Variants in ATP8A2 observed in about 807,000 individuals in gnomAD.
ATP8A2 encodes phospholipid-transporting ATPase IB.
Under a neutral mutation model 165.6 loss-of-function variants are expected in ATP8A2, and 100 were observed. The observed-to-expected ratio is 0.60, with a 90% CI of 0.51 to 0.71. ATP8A2 has a LOEUF of 0.71. Ranked by LOEUF, ATP8A2 falls within the 30% of genes least tolerant of loss-of-function variation. The probability of loss-of-function intolerance (pLI) is 0.00; values close to 1 mark genes in which losing one functional copy is unlikely to be tolerated. For synonymous variants in ATP8A2, 543 were observed against 548.8 expected (o/e 0.99, Z 0.15); for missense variants, 1,227 against 1,479.5 (o/e 0.83, Z 2.80).
In ATP8A2 at chr13:25,372,873, A is replaced by ACG. The variant is rs1410034966; in HGVS notation, c.76+593_76+594dup. ...TCTGGAGACGAACACACACACGCAC[A>ACG]CGCGCGCGCACACACACACACAGGT... On this transcript the variant is annotated intron_variant, in intron 1 of 36. Transcript: ENST00000381655. The surrounding 1 kb of genome is among the most constrained non-coding windows in gnomAD (Gnocchi z 4.8). Among the ~76,000 whole-genome samples the ACG allele has an allele frequency of 1.3e-5, 2 of 152,036 alleles. No individual in the cohort carries two copies. The highest frequency in any genetic ancestry group is 4.8e-5 in the African/African-American group (2 of 41,430).
At chr13:25,693,264 G>C (rs2042765735) in intron 24 of ATP8A2, among the ~76,000 whole-genome samples, 2 of 152,202 alleles carry the variant, frequency 1.3e-5, no homozygotes, top group African/African-American at 2.4e-5. Context: ...ATAAGGAACT[G>C]TTTGTGATAG....
At chr13:25,897,552 C>G (rs1049216054) in intron 33 of ATP8A2, among the ~76,000 whole-genome samples, 5 of 152,112 alleles carry the variant, frequency 3.3e-5, no homozygotes, top group Admixed American at 2.6e-4. Flanking sequence ...GTGGCGTTCT[C>G]TGTATTTCCT....
At chr13:25,747,808 A>T (rs1366517786) in intron 25 of ATP8A2, among the ~76,000 whole-genome samples, 2 of 152,218 alleles carry the variant, frequency 1.3e-5, no homozygotes, top group Non-Finnish European at 2.9e-5. Context: ...CAACACATTG[A>T]CTAAAATAAC....
chr13:25,889,245 C>CATATATATATATATATAT (rs200723564), intron 33 of ATP8A2, among the ~76,000 whole-genome samples: 3,048 of 109,336 alleles, frequency 0.028, 116 homozygotes, highest in African/African-American at 0.041. Flanking sequence ...CATCCTTTGT[C>CATATATATATATATATAT]ATATATATAT....
intron 18 of ATP8A2, among the ~76,000 whole-genome samples, chr13:25,573,457 A>T (rs1566285579): frequency 6.6e-6 from 1 of 152,206 alleles, no homozygotes. Flanking sequence ...CTCGTAGATA[A>T]CAGTAATAAA....
At position 26,019,210 on chromosome 13, in the gene ATP8A2, A is replaced by G. The variant is rs951301327; in HGVS notation, c.3470-678A>G. 2.6e-5 allele frequency among the ~76,000 whole-genome samples: 4 copies of G among 152,126 alleles called. No homozygotes were observed. In the East Asian group the frequency reaches 5.8e-4, roughly 22 times the overall value. ...GGAGTTTGAGACCAGCCTGGCCAACATGGTGAAACCCCGTCTCTACTAAAA... is the reference window on the plus strand; with the variant it reads ...GGAGTTTGAGACCAGCCTGGCCAACGTGGTGAAACCCCGTCTCTACTAAAA... On this transcript the variant is annotated intron_variant, in intron 36 of 36. Transcript: ENST00000381655.
intron 24 of ATP8A2, among the ~76,000 whole-genome samples, chr13:25,673,577 G>C (rs1282412636): frequency 6.6e-6 from 1 of 152,152 alleles, no homozygotes; most frequent in Non-Finnish European, 1.5e-5. Context: ...TTTACAAATT[G>C]GCATTTATTG....
intron 19 of ATP8A2, 90 bp downstream of exon 19, chr13:25,574,947 C>G: frequency 1.5e-6 from 1 of 664,902 alleles, no homozygotes; most frequent in Non-Finnish European, 2.6e-6. Flanking sequence ...TGGTATGATT[C>G]AATATATTAC....
intron 2 of ATP8A2, among the ~76,000 whole-genome samples, chr13:25,529,131 A>T (rs2037947698): frequency 6.6e-6 from 1 of 152,114 alleles, no homozygotes. Flanking sequence ...CCTGCTGGAT[A>T]ATCTTGCTAG....
intron 2 of ATP8A2, among the ~76,000 whole-genome samples, chr13:25,518,601 T>C (rs369057953): frequency 6.6e-6 from 1 of 152,196 alleles, no homozygotes; most frequent in African/African-American, 2.4e-5. Context: ...TACTGAACTT[T>C]GCGTCTTTTA....
chr13:25,713,468 C>T (rs559824857), intron 25 of ATP8A2, among the ~76,000 whole-genome samples: 1 of 152,286 alleles, frequency 6.6e-6, no homozygotes, highest in South Asian at 2.1e-4. Context: ...TTTGGTGCTA[C>T]AGCTTTCATG....
At chr13:25,695,917 G>A (rs1246168926) in intron 24 of ATP8A2, among the ~76,000 whole-genome samples, 1 of 152,136 alleles carries the variant, frequency 6.6e-6, no homozygotes, top group Admixed American at 6.5e-5. Flanking sequence ...ATCTAAAATG[G>A]TGAATCCTTG....
At chr13:25,731,072 G>GA (rs2043612848) in intron 25 of ATP8A2, among the ~76,000 whole-genome samples, 2 of 148,654 alleles carry the variant, frequency 1.3e-5, no homozygotes, top group East Asian at 4.0e-4. Context: ...AAGGAGAGGG[G>GA]AGGAAAAGAA....
chr13:25,432,506 A>T (rs1276990492), intron 1 of ATP8A2, among the ~76,000 whole-genome samples: 1 of 151,994 alleles, frequency 6.6e-6, no homozygotes, highest in East Asian at 1.9e-4. Context: ...GTGAACCCTG[A>T]CTTCTTTAGT....
chr13:25,548,082 T>A (rs1222995853), intron 10 of ATP8A2, among the ~76,000 whole-genome samples: 1 of 151,980 alleles, frequency 6.6e-6, no homozygotes, highest in African/African-American at 2.4e-5. Context: ...AAAAATTAGC[T>A]GGGCGTGGTG....
intron 33 of ATP8A2, among the ~76,000 whole-genome samples, chr13:25,882,184 C>T (rs1238463549): frequency 1.3e-5 from 2 of 152,114 alleles, no homozygotes; most frequent in African/African-American, 4.8e-5. Context: ...GATGTTTCTG[C>T]AACCACGAGA....
chr13:25,726,692 C>T (rs1253390085), intron 25 of ATP8A2, among the ~76,000 whole-genome samples: 1 of 152,158 alleles, frequency 6.6e-6, no homozygotes, highest in Admixed American at 6.5e-5. Context: ...CTTTACTATA[C>T]CTGCACATTT....
At chr13:25,755,571 T>C (rs1324404449) in intron 25 of ATP8A2, among the ~76,000 whole-genome samples, 2 of 152,330 alleles carry the variant, frequency 1.3e-5, no homozygotes, top group South Asian at 4.1e-4. Flanking sequence ...TGAGTAATAA[T>C]TTCAGTGTGA....
intron 10 of ATP8A2, among the ~76,000 whole-genome samples, chr13:25,549,673 T>G (rs565473080): frequency 1.3e-5 from 2 of 152,208 alleles, no homozygotes; most frequent in South Asian, 4.2e-4. Context: ...ACTGGTTTCC[T>G]CTGGCTGCTG....
Sources: allele counts gnomAD v4.1 joint callset (sites outside exome capture counted in the v4.1 genomes callset), GRCh38; gene constraint gnomAD v4.1.1; non-coding constraint Gnocchi (gnomAD v3.1); transcripts MANE v1.5; gene names NCBI Gene and HGNC (gene_info 2026-07-23, HGNC 2026-07-21).